Variants in KIF18A observed in about 807,000 individuals in gnomAD.
The protein encoded by KIF18A is kinesin family member 18A.
In KIF18A, 67 loss-of-function variants were observed where a neutral mutation model predicts 103.3. The ratio of observed to expected loss-of-function variants is 0.65; its 90% CI spans 0.53 to 0.79. The LOEUF is 0.79. KIF18A is among the 30% of genes least tolerant of loss of function. KIF18A has a pLI of 0.00. For missense variants in KIF18A, 1,032 were observed against 1,062.5 expected (o/e 0.97, Z 0.40); for synonymous variants, 367 against 355.5 (o/e 1.03, Z -0.36).
At chr11:28,085,162 C>A (rs948557640) in intron 6 of KIF18A, among the ~76,000 whole-genome samples, 2 of 152,098 alleles carry the variant, frequency 1.3e-5, no homozygotes, top group Admixed American at 6.5e-5. Flanking sequence ...AAGAGGTGAG[C>A]CTTCTGTTAT....
chr11:28,049,215 T>C (rs1241405355), intron 13 of KIF18A, among the ~76,000 whole-genome samples: 1 of 152,084 alleles, frequency 6.6e-6, no homozygotes, highest in Non-Finnish European at 1.5e-5. Flanking sequence ...ACATAATTGC[T>C]AAATGGCAAT....
Position 28,043,811 on chromosome 11 carries a change from T to C in KIF18A, c.1949-7147A>G, listed in dbSNP as rs911457165. ...ATTCATCAAAATGTTAACACAGGTTTATAGCTCACTGGGAAAATAATGAAT... is the reference window on the plus strand; with the variant it reads ...ATTCATCAAAATGTTAACACAGGTTCATAGCTCACTGGGAAAATAATGAAT... On this transcript the variant is annotated intron_variant, in intron 13 of 16. Coordinates refer to ENST00000263181, the MANE Select transcript of KIF18A (RefSeq NM_031217.4). Among the ~76,000 whole-genome samples, 3 of 151,860 alleles carry C rather than the reference T, an allele frequency of 2.0e-5. No individual in the cohort carries two copies. In the Admixed American group the frequency reaches 2.0e-4, roughly 10 times the overall value.
rs768204589 is a variant in KIF18A, at chr11:28,097,670, G to A, written c.278C>T (p.Thr93Ile). The A allele has an allele frequency of 2.5e-6, 4 of 1,611,240 alleles. No homozygotes were observed. Among genetic ancestry groups the A allele is most frequent in the African/African-American group, 2.7e-5 (2 of 74,828 alleles). Residue 93 changes from threonine (T) to isoleucine (I), a missense_variant, in exon 2 of 17, where the codon ACT becomes ATT. By Grantham distance (89) the Thr-to-Ile change is moderately conservative. Transcript: ENST00000263181. ...TSTQSEVFEH[T>I]TKPILRSFLN... ...AAAACTACGAAGAATTGGCTTAGTA[G>A]TGTGTTCAAAAACTTCTGACTGAGT...
rs1277103009 is a variant in KIF18A, at chr11:28,020,996, AC to A, written c.*203del. ...AAATATTTAAAAAACTTAAAAGACA[AC>A]CTTTTCTTTTGAAATTTTATTTTTT... is the stretch of plus-strand genomic sequence containing the variant. On this transcript the variant is annotated 3_prime_UTR_variant, in exon 17 of 17. Transcript: ENST00000263181. 7.7e-6 allele frequency: 3 copies of A among 387,740 alleles called. No individual in the cohort carries two copies. Among genetic ancestry groups the A allele is most frequent in the Non-Finnish European group, 1.2e-5 (3 of 248,974 alleles). 24.0% of individuals were successfully genotyped at this position (387,740 alleles called of 1,614,324 possible). A position where few individuals can be genotyped will look rare whatever the true frequency, so the allele number is the denominator to read the frequency against.
Position 28,031,091 on chromosome 11 carries a change from A to C in KIF18A, c.2504+4296T>G, listed in dbSNP as rs528162149. ...ACTTTTACACTGTTGGTGGGACTGT[A>C]AACTAGTTCAACCATTGTGGAAGAC... On this transcript the variant is annotated intron_variant, in intron 15 of 16. Transcript: ENST00000263181. Among the ~76,000 whole-genome samples the C allele has an allele frequency of 9.1e-3, 1,383 of 152,168 alleles. 22 individuals carry two copies. Among genetic ancestry groups the C allele is most frequent in the African/African-American group, 0.031 (1,294 of 41,522 alleles).
At chr11:28,021,349 A>G in intron 16 of KIF18A, 67 bp from the exon 17 acceptor site, 1 of 1,169,892 alleles carries the variant, frequency 8.5e-7, no homozygotes. Flanking sequence ...TCATCGTTCA[A>G]CTTATAAAAA....
Position 28,036,476 on chromosome 11 carries a change from C to G in KIF18A, c.2137G>C (p.Ala713Pro). 10 of 1,611,200 alleles carry G rather than the reference C, an allele frequency of 6.2e-6. No individual in the cohort carries two copies. The highest frequency in any genetic ancestry group is 7.6e-6 in the Non-Finnish European group (9 of 1,178,174). ...IVYTPEDCRK[A>P]FQNPSTVTLM... is the part of the protein sequence containing the mutation. ...GTTACTGTAGACGGATTTTGAAAAG[C>G]TTTTCTACAGTCTTCTGGTGTATAT... Residue 713 changes from alanine to proline, a missense_variant, in exon 14 of 17, where the codon GCT (alanine) becomes CCT (proline). Coordinates refer to ENST00000263181, the MANE Select transcript of KIF18A (RefSeq NM_031217.4).
intron 6 of KIF18A, among the ~76,000 whole-genome samples, chr11:28,085,951 T>C (rs1851223019): frequency 1.3e-5 from 2 of 152,174 alleles, no homozygotes; most frequent in Admixed American, 6.5e-5. Context: ...TCAGTGAATA[T>C]ATGAAACAAA....
chr11:28,059,013 C>A lies in KIF18A; in HGVS notation c.1861G>T (p.Ala621Ser). 1 of 1,614,044 alleles carries A rather than the reference C, an allele frequency of 6.2e-7. No individual in the cohort carries two copies. Among genetic ancestry groups the A allele is most frequent in the Admixed American group, 1.7e-5 (1 of 60,012 alleles). Reference protein sequence around the residue: ...KKVVVWADQTAEQPKQNDLPG... With the variant: ...KKVVVWADQTSEQPKQNDLPG... ...AGATCGTTTTGCTTTGGTTGTTCGG[C>A]AGTTTGGTCAGCCCAAACTACCACT... Residue 621 changes from alanine to serine, a missense_variant, in exon 13 of 17, where the codon GCC becomes TCC. Physicochemically the swap from Ala to Ser is moderately conservative, Grantham distance 99. Transcript: ENST00000263181.
At chr11:28,105,601 C>T (rs1851494504) in intron 1 of KIF18A, among the ~76,000 whole-genome samples, 1 of 152,060 alleles carries the variant, frequency 6.6e-6, no homozygotes, top group Non-Finnish European at 1.5e-5. Context: ...CCAAAATCTC[C>T]CTATTTCCCC....
In KIF18A at chr11:28,077,015, C is replaced by CT; in HGVS notation, c.1416dup (p.Val473SerfsTer11). ...ATAAAATTGTTAATTACCTTTTCTACTTTGTCTTCAGAACACATCATTTCT... is the reference window on the plus strand; with the variant it reads ...ATAAAATTGTTAATTACCTTTTCTACTTTTGTCTTCAGAACACATCATTTCT... On this transcript the variant is annotated frameshift_variant, in exon 10 of 17. Transcript: ENST00000263181. LOFTEE classifies it high-confidence loss of function. The CT allele has an allele frequency of 7.2e-7, 1 of 1,394,898 alleles. No homozygotes were observed. The highest frequency in any genetic ancestry group is 1.5e-5 in the African/African-American group (1 of 64,656). 86.4% of individuals were successfully genotyped at this position (1,394,898 alleles called of 1,614,324 possible).
At chr11:28,052,685 T>C (rs182369392) in intron 13 of KIF18A, among the ~76,000 whole-genome samples, 1 of 152,256 alleles carries the variant, frequency 6.6e-6, no homozygotes, top group East Asian at 1.9e-4. Context: ...GTTTAATTTA[T>C]TTACTATATT....
At chr11:28,096,544 A>C (rs1851376734) in intron 2 of KIF18A, among the ~76,000 whole-genome samples, 1 of 152,190 alleles carries the variant, frequency 6.6e-6, no homozygotes, top group Non-Finnish European at 1.5e-5. Flanking sequence ...TAGAGAGTCT[A>C]CTTTTTTTCT....
At chr11:28,088,422 G>A (rs1343198950) in intron 6 of KIF18A, 102 bp downstream of exon 6, 1 of 908,446 alleles carries the variant, frequency 1.1e-6, no homozygotes, top group Admixed American at 2.1e-5. Context: ...CCCTTGAAAT[G>A]TGATATATAT....
At chr11:28,067,389 T>C (rs1259737445) in intron 11 of KIF18A, among the ~76,000 whole-genome samples, 1 of 152,092 alleles carries the variant, frequency 6.6e-6, no homozygotes, top group African/African-American at 2.4e-5. Flanking sequence ...GGAAACAGGA[T>C]ATCTGCTGCT....
intron 15 of KIF18A, among the ~76,000 whole-genome samples, chr11:28,030,410 G>C (rs2133488445): frequency 6.6e-6 from 1 of 151,798 alleles, no homozygotes; most frequent in Admixed American, 6.6e-5. Flanking sequence ...TGACAAATCT[G>C]ACAAAAACAA....
rs376233808 is a variant in KIF18A at position 28,062,532 on chromosome 11, C to A, written c.1591-16G>T. 2.5e-6 allele frequency: 4 copies of A among 1,598,290 alleles called. No individual in the cohort carries two copies. The highest frequency in any genetic ancestry group is 3.4e-5 in the Admixed American group (2 of 58,394). ...TCTTGAGTTCCTAGGGCAAACAATA[C>A]AAAATGTACTTCAGATCACTCTAAG... On this transcript the variant is annotated splice_polypyrimidine_tract_variant and intron_variant, in intron 11 of 16. Coordinates refer to ENST00000263181, the MANE Select transcript of KIF18A (RefSeq NM_031217.4).
At chr11:28,093,827 A>T (rs750503237) in intron 3 of KIF18A, among the ~76,000 whole-genome samples, 4 of 152,194 alleles carry the variant, frequency 2.6e-5, no homozygotes, top group Non-Finnish European at 5.9e-5. Context: ...GTCACCAATC[A>T]TCAGTGGATA....
intron 14 of KIF18A, 130 bp downstream of exon 14, chr11:28,036,087 A>C: frequency 3.4e-6 from 2 of 591,500 alleles, no homozygotes; most frequent in Non-Finnish European, 5.8e-6. Flanking sequence ...AAAGATAATT[A>C]AAATTTAATG....
Sources: gnomAD v4.1 joint callset for allele counts (sites outside exome capture counted in the v4.1 genomes callset) on GRCh38, gnomAD v4.1.1 for gene constraint, MANE v1.5 for transcripts, NCBI Gene and HGNC (gene_info 2026-07-23, HGNC 2026-07-21) for gene names.